SCN4A: variants seen among roughly 807,000 people sequenced by gnomAD.
The protein encoded by SCN4A is sodium channel protein type 4 subunit alpha.
In SCN4A, 83 loss-of-function variants were observed where a neutral mutation model predicts 162.0. The ratio of observed to expected loss-of-function variants is 0.51; its 90% confidence interval spans 0.43 to 0.61. SCN4A has a LOEUF of 0.61. Among genes scored for constraint, SCN4A ranks in the 20% least tolerant of loss-of-function variants. The pLI, the probability that SCN4A is intolerant of heterozygous loss-of-function variation, is 0.00. For missense variants in SCN4A, 2,196 were observed against 2,462.5 expected, an observed-to-expected ratio of 0.89 and a Z score of 2.29; for synonymous variants, 944 against 985.1, an observed-to-expected ratio of 0.96 and a Z score of 0.78.
Position 63,957,395 on chromosome 17 carries a change from C to A in SCN4A, c.2143G>T (p.Ala715Ser), listed in dbSNP as rs749400108. The change falls in exon 13 of 24, where the codon GCC becomes TCC. Residue 715 changes from alanine to serine, a missense_variant. Transcript: ENST00000435607. ...LVLAIIVFIFAVVGMQLFGKS... is the reference protein window; with the variant it reads ...LVLAIIVFIFSVVGMQLFGKS... ...CCAAACAGCTGCATGCCCACCACGG[C>A]GAAGATGAACACGATGATAGCCAGC... 1 of 1,613,974 alleles carries A rather than the reference C, an allele frequency of 6.2e-7. No homozygotes were observed.
At position 63,959,301 on chromosome 17, in the gene SCN4A, G is replaced by A. The variant is rs370216331; in HGVS notation, c.1983C>T (p.Asn661=). ...TLSLVELGLA[N]VQGLSVLRSF... ...AGCGTAGCACAGACAGTCCCTGTACGTTGGCCAGGCCTAGCTCTACCAGGC... is the reference window on the plus strand; with the variant it reads ...AGCGTAGCACAGACAGTCCCTGTACATTGGCCAGGCCTAGCTCTACCAGGC... Residue 661 remains asparagine (N), a synonymous_variant, in exon 12 of 24, where the codon AAC becomes AAT. Coordinates refer to ENST00000435607, the MANE Select transcript of SCN4A (RefSeq NM_000334.4). The A allele has an allele frequency of 7.4e-6, 12 of 1,613,828 alleles. No homozygotes were observed. The highest frequency in any genetic ancestry group is 5.3e-5 in the African/African-American group (4 of 74,902).
rs1187102736 is a variant in SCN4A, at chr17:63,945,673, C to T, written c.3442-35G>A. ...AGGGGGTCCATTGCCAGTGCCTCTC[C>T]CAGCCTCTGAGAGAGGGCTCCACAT... On this transcript the variant is annotated intron_variant, in intron 18 of 23. Coordinates refer to ENST00000435607, the MANE Select transcript of SCN4A (RefSeq NM_000334.4). This position sits in a 1 kb window ranked among gnomAD's most constrained non-coding sequence, Gnocchi z 4.4. The T allele has an allele frequency of 1.2e-6, 2 of 1,609,648 alleles. No homozygotes were observed. Among genetic ancestry groups the T allele is most frequent in the Admixed American group, 1.7e-5 (1 of 59,988 alleles).
At position 63,948,687 on chromosome 17, in the gene SCN4A, G is replaced by A. The variant is rs1817984385; in HGVS notation, c.3068C>T (p.Ala1023Val). 1 of 1,613,532 alleles carries A rather than the reference G, an allele frequency of 6.2e-7. No homozygotes were observed. Among genetic ancestry groups the A allele is most frequent in the African/African-American group, 1.3e-5 (1 of 74,934 alleles). Residue 1023 changes from alanine (A) to valine (V), a missense_variant, in exon 16 of 24, where the codon GCC (alanine) becomes GTC (valine). Coordinates refer to ENST00000435607, the MANE Select transcript of SCN4A (RefSeq NM_000334.4). ...RGKKWWTLRR[A>V]CFKIVEHNWF... ...GTTGTGCTCGACAATCTTGAAGCAG[G>A]CCCTGCGCAGAGTCCACCACTTCTT...
intron 23 of SCN4A, 97 bp downstream of exon 23, chr17:63,942,729 G>A (rs145802167): frequency 1.7e-4 from 206 of 1,235,520 alleles, no homozygotes; most frequent in Non-Finnish European, 2.2e-4. Context: ...CTGGGTGAGC[G>A]TGTGAGGGTG....
rs140025979 is a variant in SCN4A at position 63,970,655 on chromosome 17, A to G, written c.703+507T>C. On this transcript the variant is annotated intron_variant, in intron 5 of 23. Coordinates refer to ENST00000435607, the MANE Select transcript of SCN4A (RefSeq NM_000334.4). ...ATTTGTTTTCTTTTTTTTTTTTGAG[A>G]TGGAATCTCACTGTGTTGCCTAGGC... is the stretch of plus-strand genomic sequence containing the variant. Among the ~76,000 whole-genome samples, 80 of 150,058 alleles carry G rather than the reference A, an allele frequency of 5.3e-4. No individual in the cohort carries two copies. In the East Asian group the frequency reaches 0.014, roughly 26 times the overall value.
In SCN4A at chr17:63,941,327, C is replaced by A. The variant is rs1314887157; in HGVS notation, c.4955G>T (p.Arg1652Met). ...CTTGATCTTGTTGGGCTTGGCAATC[C>A]TCAGCGGTTCCTGCAGGGTGTCCAC... ...DFVDTLQEPLRIAKPNKIKLI... is the reference protein window; with the variant it reads ...DFVDTLQEPLMIAKPNKIKLI... The change falls in exon 24 of 24, where the codon AGG (arginine) becomes ATG (methionine). Residue 1652 changes from arginine (R) to methionine (M), a missense_variant. Coordinates refer to ENST00000435607, the MANE Select transcript of SCN4A (RefSeq NM_000334.4). The surrounding 1 kb of genome is among the most constrained non-coding windows in gnomAD (Gnocchi z 6.2). 2 of 1,613,786 alleles carry A rather than the reference C, an allele frequency of 1.2e-6. No individual in the cohort carries two copies. Among genetic ancestry groups the A allele is most frequent in the African/African-American group, 1.3e-5 (1 of 74,880 alleles).
chr17:63,959,314 A>C lies in SCN4A; in HGVS notation c.1970T>G (p.Leu657Arg). Residue 657 changes from leucine (L) to arginine (R), a missense_variant, in exon 12 of 24, where the codon CTA (leucine) becomes CGA (arginine). Physicochemically the swap from Leu to Arg is moderately radical, Grantham distance 102. Coordinates refer to ENST00000435607, the MANE Select transcript of SCN4A (RefSeq NM_000334.4). Reference sequence around the variant, plus strand: ...CAGTCCCTGTACGTTGGCCAGGCCTAGCTCTACCAGGCTGAGGGTGACGAT... The same window carrying C: ...CAGTCCCTGTACGTTGGCCAGGCCTCGCTCTACCAGGCTGAGGGTGACGAT... ...SIIVTLSLVELGLANVQGLSV... is the reference protein window; with the variant it reads ...SIIVTLSLVERGLANVQGLSV... The C allele has an allele frequency of 1.2e-6, 2 of 1,613,992 alleles. No individual in the cohort carries two copies. Among genetic ancestry groups the C allele is most frequent in the Non-Finnish European group, 1.7e-6 (2 of 1,179,876 alleles).
chr17:63,968,233 G>A lies in SCN4A; in HGVS notation c.826C>T (p.Leu276=). The part of the protein sequence containing the change: ...LVGLQLFMGN[L]RQKCVRWPPP... ...GGCCAGCGCACACACTTCTGCCTCAGGTTTCCCATGAAGAGCTGCAGTCCT... is the reference window on the plus strand; with the variant it reads ...GGCCAGCGCACACACTTCTGCCTCAAGTTTCCCATGAAGAGCTGCAGTCCT... The change falls in exon 6 of 24, where the codon CTG becomes TTG. Residue 276 remains leucine, a synonymous_variant. Coordinates refer to ENST00000435607, the MANE Select transcript of SCN4A (RefSeq NM_000334.4). The A allele has an allele frequency of 6.2e-7, 1 of 1,614,098 alleles. No homozygotes were observed. Among genetic ancestry groups the A allele is most frequent in the South Asian group, 1.1e-5 (1 of 91,090 alleles).
In SCN4A at chr17:63,959,286, A is replaced by G; in HGVS notation, c.1998T>C (p.Ser666=). The change falls in exon 12 of 24, where the codon TCT becomes TCC. Residue 666 remains serine (S), a synonymous_variant. Coordinates refer to ENST00000435607, the MANE Select transcript of SCN4A (RefSeq NM_000334.4). ...GTACCAGACGGAAGGAGCGTAGCAC[A>G]GACAGTCCCTGTACGTTGGCCAGGC... ...ELGLANVQGL[S]VLRSFRLLRV... The G allele has an allele frequency of 6.2e-7, 1 of 1,613,684 alleles. No individual in the cohort carries two copies. Among genetic ancestry groups the G allele is most frequent in the Non-Finnish European group, 8.5e-7 (1 of 1,179,688 alleles).
At position 63,940,468 on chromosome 17, in the gene SCN4A, C is replaced by G; in HGVS notation, c.*303G>C. Reference sequence around the variant, plus strand: ...CAGAGATTCGAATGTTCTGACCTCCCCCAGGCCAAAAGGAGGGGCGACAGG... The same window carrying G: ...CAGAGATTCGAATGTTCTGACCTCCGCCAGGCCAAAAGGAGGGGCGACAGG... On this transcript the variant is annotated 3_prime_UTR_variant, in exon 24 of 24. Coordinates refer to ENST00000435607, the MANE Select transcript of SCN4A (RefSeq NM_000334.4). 1 of 378,458 alleles carries G rather than the reference C, an allele frequency of 2.6e-6. No homozygotes were observed. Among genetic ancestry groups the G allele is most frequent in the East Asian group, 4.0e-5 (1 of 24,912 alleles). The allele number at this position is 378,458 out of a possible 1,614,324, so 23.4% of individuals were successfully genotyped here.
chr17:63,961,648 C>G lies in SCN4A; in HGVS notation c.1607-217G>C, dbSNP rs1042315185. ...CCCCACATGGCTTCACCCCAAAGCCCCGCGCTCTGAGCGCGGCCGGCTCCA... is the reference window on the plus strand; with the variant it reads ...CCCCACATGGCTTCACCCCAAAGCCGCGCGCTCTGAGCGCGGCCGGCTCCA... On this transcript the variant is annotated intron_variant, in intron 10 of 23. Transcript: ENST00000435607. 5.6e-6 allele frequency: 3 copies of G among 534,252 alleles called. No individual in the cohort carries two copies. In the African/African-American group the frequency reaches 5.7e-5, roughly 10 times the overall value. 33.1% of individuals were successfully genotyped at this position (534,252 alleles called of 1,614,324 possible). A position where few individuals can be genotyped will look rare whatever the true frequency, so the allele number is the denominator to read the frequency against.
chr17:63,944,066 G>A lies in SCN4A; in HGVS notation c.3913-216C>T, dbSNP rs546867289. Among the ~76,000 whole-genome samples the A allele has an allele frequency of 2.6e-5, 4 of 152,298 alleles. No individual in the cohort carries two copies. The South Asian group carries it at 8.3e-4, about 32-fold the overall frequency. Reference sequence around the variant, plus strand: ...GAGTGGGGATCAATGCTGTCTTGCAGCCTGTTTCTGGCTACTTTTCATCAA... The same window carrying A: ...GAGTGGGGATCAATGCTGTCTTGCAACCTGTTTCTGGCTACTTTTCATCAA... On this transcript the variant is annotated intron_variant, in intron 21 of 23. Coordinates refer to ENST00000435607, the MANE Select transcript of SCN4A (RefSeq NM_000334.4). This position sits in a 1 kb window ranked among gnomAD's most constrained non-coding sequence, Gnocchi z 4.3.
In SCN4A at chr17:63,964,674, G is replaced by A; in HGVS notation, c.1246C>T (p.Leu416Phe). The change falls in exon 9 of 24, where the codon CTT becomes TTT. Residue 416 changes from leucine (L) to phenylalanine (F), a missense_variant. Transcript: ENST00000435607. Reference protein sequence around the residue: ...DYWENLFQLTLRAAGKTYMIF... With the variant: ...DYWENLFQLTFRAAGKTYMIF... ...ATGTAGGTCTTGCCAGCTGCTCGAA[G>A]GGTCTGGGAGTGGAGGGAGAGGGAG... is the stretch of plus-strand genomic sequence containing the variant. 1 of 1,603,910 alleles carries A rather than the reference G, an allele frequency of 6.2e-7. No homozygotes were observed. The highest frequency in any genetic ancestry group is 8.5e-7 in the Non-Finnish European group (1 of 1,175,894).
chr17:63,966,437 A>G (rs779602191), intron 7 of SCN4A, 44 bp downstream of exon 7: 2 of 1,581,286 alleles, frequency 1.3e-6, no homozygotes, highest in Admixed American at 3.3e-5. Context: ...CCCACCTTCC[A>G]AGACCCCTGG....
In SCN4A at chr17:63,966,660, T is replaced by C. The variant is rs551613244; in HGVS notation, c.1037-116A>G. On this transcript the variant is annotated intron_variant, in intron 6 of 23. Transcript: ENST00000435607. ...GCGCGTACCACATAAACCAAACGGA[T>C]GTTCCCTGGCTGCCTCTTCCCCGTC... The C allele has an allele frequency of 1.6e-5, 12 of 745,586 alleles. No homozygotes were observed. The African/African-American group carries it at 1.9e-4, about 12-fold the overall frequency. 46.2% of individuals were successfully genotyped at this position (745,586 alleles called of 1,614,324 possible). A position where few individuals can be genotyped will look rare whatever the true frequency, so the allele number is the denominator to read the frequency against.
chr17:63,964,793 A>G, intron 8 of SCN4A, 116 bp from the exon 9 acceptor site: 1 of 760,488 alleles, frequency 1.3e-6, no homozygotes, highest in Non-Finnish European at 2.1e-6. Context: ...TCCCTCACAG[A>G]GCCTGGGGGA....
At position 63,943,114 on chromosome 17, in the gene SCN4A, G is replaced by A. The variant is rs1409104350; in HGVS notation, c.4018-18C>T. On this transcript the variant is annotated intron_variant, in intron 22 of 23. Coordinates refer to ENST00000435607, the MANE Select transcript of SCN4A (RefSeq NM_000334.4). ...ATCTTGTTCTGCAGCATGGGTGGGA[G>A]TGGATGTGGAGGAGTTGGGGTGGCC... 1 of 1,601,660 alleles carries A rather than the reference G, an allele frequency of 6.2e-7. No individual in the cohort carries two copies. Among genetic ancestry groups the A allele is most frequent in the Non-Finnish European group, 8.5e-7 (1 of 1,171,134 alleles).
rs574542460 is a variant in SCN4A at position 63,943,682 on chromosome 17, C to G, written c.4017+64G>C. ...GGTGGAAGGCAGGAAACCTTTTACC[C>G]CCATCAGTCCCCTAGGCAGGAGCCT... is the stretch of plus-strand genomic sequence containing the variant. On this transcript the variant is annotated intron_variant, in intron 22 of 23. Transcript: ENST00000435607. 841 of 1,053,008 alleles carry G rather than the reference C, an allele frequency of 8.0e-4. 15 individuals are homozygous for G. In the South Asian group the frequency reaches 9.2e-3, roughly 12 times the overall value. The allele number at this position is 1,053,008 out of a possible 1,614,324, so 65.2% of individuals were successfully genotyped here. A position where few individuals can be genotyped will look rare whatever the true frequency, so the allele number is the denominator to read the frequency against.
At chr17:63,960,500 C>G (rs946348132) in intron 11 of SCN4A, among the ~76,000 whole-genome samples, 2 of 152,190 alleles carry the variant, frequency 1.3e-5, no homozygotes, top group African/African-American at 2.4e-5. Context: ...TGGGGAGCAT[C>G]TCGCCCATTT....
Sources: allele counts gnomAD v4.1 joint callset (sites outside exome capture counted in the v4.1 genomes callset), GRCh38; gene constraint gnomAD v4.1.1; non-coding constraint Gnocchi (gnomAD v3.1); transcripts MANE v1.5; gene names NCBI Gene and HGNC (gene_info 2026-07-23, HGNC 2026-07-21).